The following LYST variants were observed in gnomAD, a reference collection of about 807,000 sequenced individuals.
LYST encodes the protein lysosomal trafficking regulator.
In LYST, 192 loss-of-function variants were observed where a neutral mutation model predicts 413.6. The ratio of observed to expected loss-of-function variants is 0.46; its 90% confidence interval spans 0.41 to 0.52. The LOEUF (loss-of-function observed/expected upper bound fraction) is 0.52, where lower values mean the gene tolerates loss of function less well. Ranked by LOEUF, LYST falls within the 20% of genes least tolerant of loss-of-function variation. The pLI, the probability that LYST is intolerant of heterozygous loss-of-function variation, is 0.00. For missense variants in LYST, 3,815 were observed against 4,499.9 expected, an observed-to-expected ratio of 0.85 and a Z score of 4.35; for synonymous variants, 1,525 against 1,567.3, an observed-to-expected ratio of 0.97 and a Z score of 0.64.
At chr1:235,780,102 G>A (rs1669693748) in intron 16 of LYST, among the ~76,000 whole-genome samples, 1 of 152,122 alleles carries the variant, frequency 6.6e-6, no homozygotes, top group East Asian at 1.9e-4. Flanking sequence ...TAATTTTACT[G>A]ATATTAAATA....
rs1053426007 is a variant in LYST, at chr1:235,851,462, T to C, written c.-98+15381A>G. ...ACAAATATGGTACAGTGTATACTGC[T>C]TGGGTGATAGGTACACCAAAATCTC... On this transcript the variant is annotated intron_variant, in intron 1 of 52. Transcript: ENST00000389793. Among the ~76,000 whole-genome samples, 9 of 152,152 alleles carry C rather than the reference T, an allele frequency of 5.9e-5. No homozygotes were observed. In the East Asian group the frequency reaches 1.5e-3, roughly 26 times the overall value.
At chr1:235,706,170 T>C (rs147554258) in intron 44 of LYST, among the ~76,000 whole-genome samples, 7 of 152,304 alleles carry the variant, frequency 4.6e-5, no homozygotes, top group Non-Finnish European at 1.0e-4. Flanking sequence ...ATTTATTTTA[T>C]ACTTGATGGA....
At chr1:235,804,379 G>C (rs1672577151) in intron 7 of LYST, 125 bp downstream of exon 7, 2 of 780,006 alleles carry the variant, frequency 2.6e-6, no homozygotes, top group Non-Finnish European at 4.6e-6. Context: ...AAGATCCACT[G>C]AACTCATCTG....
At chr1:235,831,189 T>C (rs576533435) in intron 2 of LYST, among the ~76,000 whole-genome samples, 2 of 152,046 alleles carry the variant, frequency 1.3e-5, no homozygotes, top group East Asian at 1.9e-4. Flanking sequence ...TTAAGTTAAA[T>C]AAGACATGTA....
rs547406365 is a variant in LYST, at chr1:235,776,527, T to C, written c.5460+536A>G. ...CTAAAGTGAGACTGTTGGTGCTCCC[T>C]AACATAGGTTTCAGCAATCCCTGAA... On this transcript the variant is annotated intron_variant, in intron 17 of 52. Transcript: ENST00000389793. Among the ~76,000 whole-genome samples, 43 of 152,272 alleles carry C rather than the reference T, an allele frequency of 2.8e-4. No homozygotes were observed. The East Asian group carries it at 7.3e-3, about 26-fold the overall frequency.
intron 1 of LYST, among the ~76,000 whole-genome samples, chr1:235,847,277 A>G (rs911659474): frequency 3.9e-5 from 6 of 152,218 alleles, no homozygotes; most frequent in African/African-American, 1.4e-4. Context: ...CAGCAAAATT[A>G]AGCATCATAT....
intron 1 of LYST, among the ~76,000 whole-genome samples, chr1:235,877,536 A>G (rs1416107645): frequency 6.6e-6 from 1 of 152,104 alleles, no homozygotes; most frequent in African/African-American, 2.4e-5. Context: ...CCTCCCGAGT[A>G]GCTGGGATTA....
At chr1:235,837,882 T>G (rs1412759650) in intron 1 of LYST, among the ~76,000 whole-genome samples, 8 of 151,900 alleles carry the variant, frequency 5.3e-5, no homozygotes, top group African/African-American at 1.9e-4. Flanking sequence ...AAAACCTGAT[T>G]AATATTATAG....
At chr1:235,769,458 A>C (rs901432457) in intron 20 of LYST, among the ~76,000 whole-genome samples, 1 of 152,090 alleles carries the variant, frequency 6.6e-6, no homozygotes, top group African/African-American at 2.4e-5. Context: ...GTGCCACCGA[A>C]GCAAAGGCGC....
chr1:235,770,283 T>G lies in LYST; in HGVS notation c.5799A>C (p.Glu1933Asp). The change falls in exon 20 of 53, where the codon GAA becomes GAC. Residue 1933 changes from glutamate to aspartate, a missense_variant. Coordinates refer to ENST00000389793, the MANE Select transcript of LYST (RefSeq NM_000081.4). ...IWSKAEQGVW[E>D]TLLAALEVLI... ...GGACTTCTAGAGCTGCTAGCAAAGT[T>G]TCCCAAACACCTTGCTGAAGAGATA... 6.2e-7 allele frequency: 1 copy of G among 1,613,762 alleles called. No homozygotes were observed. Among genetic ancestry groups the G allele is most frequent in the South Asian group, 1.1e-5 (1 of 91,078 alleles).
At chr1:235,874,134 G>T (rs752039194) in intron 1 of LYST, among the ~76,000 whole-genome samples, 6 of 152,130 alleles carry the variant, frequency 3.9e-5, no homozygotes, top group Non-Finnish European at 7.4e-5. Flanking sequence ...TACATAAAAA[G>T]ATTCTGAATA....
chr1:235,715,319 A>C lies in LYST; in HGVS notation c.9666T>G (p.Asp3222Glu). 1.9e-6 allele frequency: 3 copies of C among 1,614,026 alleles called. No homozygotes were observed. Among genetic ancestry groups the C allele is most frequent in the Non-Finnish European group, 2.5e-6 (3 of 1,179,940 alleles). ...AGGGCTGCACGGGAGGCATGGGGTCATCTTCTCTGGCTCCTTTGCGGTACT... is the reference window on the plus strand; with the variant it reads ...AGGGCTGCACGGGAGGCATGGGGTCCTCTTCTCTGGCTCCTTTGCGGTACT... ...EEEYRKGARE[D>E]DPMPPVQPYH... is the part of the protein sequence containing the mutation. Residue 3222 changes from aspartate (D) to glutamate (E), a missense_variant, in exon 42 of 53, where the codon GAT becomes GAG. Asp to Glu is a conservative substitution (Grantham distance 45). This residue lies in a region of LYST where 866 missense variants were observed against 1,156.0 expected (regional missense o/e 0.75). Coordinates refer to ENST00000389793, the MANE Select transcript of LYST (RefSeq NM_000081.4).
rs1673231701 is a variant in LYST, at chr1:235,809,565, C to T, written c.1253G>A (p.Ser418Asn). 4 of 1,613,916 alleles carry T rather than the reference C, an allele frequency of 2.5e-6. No homozygotes were observed. The East Asian group carries it at 6.7e-5, about 27-fold the overall frequency. The change falls in exon 5 of 53, where the codon AGT becomes AAT. Residue 418 changes from serine (S) to asparagine (N), a missense_variant. By Grantham distance (46) the Ser-to-Asn change is conservative (BLOSUM62 1). Transcript: ENST00000389793. This position sits in a 1 kb window ranked among gnomAD's most constrained non-coding sequence, Gnocchi z 4.0. Reference protein sequence around the residue: ...VLQILICCLQSAASNPFYFSQ... With the variant: ...VLQILICCLQNAASNPFYFSQ... ...GAAGTAGAAGGGATTTGAAGCTGCA[C>T]TTTGAAGACAACAGATCAGAATCTG...
At chr1:235,723,895 C>T in intron 39 of LYST, 133 bp downstream of exon 39, 2 of 751,248 alleles carry the variant, frequency 2.7e-6, no homozygotes, top group East Asian at 5.3e-5. Flanking sequence ...ACAAAGGCTT[C>T]ACTTTAATCA....
upstream of LYST, among the ~76,000 whole-genome samples, chr1:235,868,443 T>A (rs1258227251): frequency 6.6e-6 from 1 of 152,110 alleles, no homozygotes; most frequent in Non-Finnish European, 1.5e-5. Flanking sequence ...ATACATCAAC[T>A]TTCACCCACT....
At chr1:235,677,314 T>G (rs919650656) in intron 49 of LYST, 126 bp from the exon 50 acceptor site, 1 of 1,060,194 alleles carries the variant, frequency 9.4e-7, no homozygotes, top group South Asian at 1.3e-5. Context: ...CCTATCTGAT[T>G]GTATGACTTC....
chr1:235,706,045 G>A (rs1661960179), intron 44 of LYST, among the ~76,000 whole-genome samples: 2 of 151,904 alleles, frequency 1.3e-5, no homozygotes, highest in South Asian at 2.1e-4. Context: ...CACACGCCTC[G>A]GCCTCCCAAA....
chr1:235,697,099 T>C lies in LYST; in HGVS notation c.10548A>G (p.Thr3516=), dbSNP rs1441034334. 1.9e-6 allele frequency: 3 copies of C among 1,613,966 alleles called. No homozygotes were observed. The highest frequency in any genetic ancestry group is 1.7e-5 in the Admixed American group (1 of 60,008). The change falls in exon 46 of 53, where the codon ACA becomes ACG. Residue 3516 remains threonine, a synonymous_variant. Transcript: ENST00000389793. Reference sequence around the variant, plus strand: ...TTATTTTACCTTGTTCCTTGCTATATGTCATCAGAAGACAGAAATTCCGTG... The same window carrying C: ...TTATTTTACCTTGTTCCTTGCTATACGTCATCAGAAGACAGAAATTCCGTG... ...GLSRNFCLLM[T]YSKEQGVRSM... is the part of the protein sequence containing the mutation.
intron 39 of LYST, among the ~76,000 whole-genome samples, chr1:235,721,335 T>C (rs1029982810): frequency 1.1e-4 from 17 of 152,204 alleles, no homozygotes; most frequent in African/African-American, 3.9e-4. Context: ...GTCTATAATA[T>C]GGGAGTGATA....
Sources: gnomAD v4.1 joint callset for allele counts (sites outside exome capture counted in the v4.1 genomes callset) on GRCh38, gnomAD v4.1.1 for gene constraint, gnomAD v4.1.1 regional missense constraint, Gnocchi (gnomAD v3.1) non-coding constraint, MANE v1.5 for transcripts, NCBI Gene and HGNC (gene_info 2026-07-23, HGNC 2026-07-21) for gene names.